AUNIP: variants seen among roughly 807,000 people sequenced by gnomAD.
AUNIP encodes aurora kinase A and ninein interacting protein.
Under a neutral mutation model 12.2 loss-of-function variants are expected in AUNIP, and 16 were observed. That is an observed-to-expected ratio of 1.31 (90% CI 0.88 to 1.99). The LOEUF (loss-of-function observed/expected upper bound fraction) is 1.99, where lower values mean the gene tolerates loss of function less well. Ranked by LOEUF, AUNIP falls within the 30% of genes most tolerant of loss-of-function variation. AUNIP has a pLI of 0.00. For missense variants in AUNIP, 411 were observed against 419.1 expected, an observed-to-expected ratio of 0.98 and a Z score of 0.17; for synonymous variants, 142 against 154.8, an observed-to-expected ratio of 0.92 and a Z score of 0.61.
intron 1 of AUNIP, among the ~76,000 whole-genome samples, chr1:25,848,233 A>C (rs1040990581): frequency 6.6e-6 from 1 of 152,124 alleles, no homozygotes; most frequent in Non-Finnish European, 1.5e-5. Flanking sequence ...AGCCAAATTG[A>C]ATTATTCCCT....
At chr1:25,849,872 G>A (rs765313177) in intron 1 of AUNIP, among the ~76,000 whole-genome samples, 1 of 152,068 alleles carries the variant, frequency 6.6e-6, no homozygotes, top group Non-Finnish European at 1.5e-5. Flanking sequence ...CTGACCTCAA[G>A]TGATCTGCCC....
chr1:25,854,953 CT>C (rs1159770557), intron 1 of AUNIP, among the ~76,000 whole-genome samples: 3,293 of 121,072 alleles, frequency 0.027, 60 homozygotes, highest in African/African-American at 0.1. Flanking sequence ...AGAATTCTTT[CT>C]TTTTTTTTTT....
In AUNIP at chr1:25,835,763, G is replaced by C; in HGVS notation, c.304C>G (p.Gln102Glu). Residue 102 changes from glutamine to glutamate, a missense_variant, in exon 3 of 3, where the codon CAG (glutamine) becomes GAG (glutamate). By Grantham distance (29) the Gln-to-Glu change is conservative (BLOSUM62 2). Transcript: ENST00000374298. The stretch of plus-strand genomic sequence containing the variant: ...AAGCCTGGGATCAAATGGTCTAGCT[G>C]GGTCGCATTTTTCTTGGACTCTTTG... ...INKESKKNAT[Q>E]LDHLIPGLAH... 1.9e-6 allele frequency: 3 copies of C among 1,614,168 alleles called. No homozygotes were observed. Among genetic ancestry groups the C allele is most frequent in the Non-Finnish European group, 2.5e-6 (3 of 1,180,028 alleles).
intron 1 of AUNIP, among the ~76,000 whole-genome samples, chr1:25,853,397 G>A (rs2124513790): frequency 6.6e-6 from 1 of 152,236 alleles, no homozygotes; most frequent in African/African-American, 2.4e-5. Context: ...AGGAGTTTGA[G>A]AACAGCCTGA....
chr1:25,858,513 CTT>C (rs2048480981), intron 1 of AUNIP, among the ~76,000 whole-genome samples: 1 of 152,202 alleles, frequency 6.6e-6, no homozygotes, highest in South Asian at 2.1e-4. Context: ...ACCTAAAACA[CTT>C]AGCACCAGCA....
chr1:25,841,544 T>A (rs188195378), intron 1 of AUNIP, among the ~76,000 whole-genome samples: 1 of 151,704 alleles, frequency 6.6e-6, no homozygotes, highest in Non-Finnish European at 1.5e-5. Context: ...TTTTTTTTTT[T>A]AGATGGAGTC....
intron 1 of AUNIP, among the ~76,000 whole-genome samples, chr1:25,845,059 C>A (rs213628): frequency 0.21 from 32,636 of 152,038 alleles, 3,776 homozygotes; most frequent in African/African-American, 0.27. Context: ...AATTAGTAAC[C>A]AAGTATTCAT....
At chr1:25,843,185 A>ATATATATATATATAT (rs1364857694) in intron 1 of AUNIP, among the ~76,000 whole-genome samples, 20 of 124,956 alleles carry the variant, frequency 1.6e-4, no homozygotes, top group Middle Eastern at 3.8e-3. Flanking sequence ...AAAAAAAAAA[A>ATATATATATATATAT]ATATATATAT....
downstream of AUNIP, chr1:25,832,240 T>A: frequency 7.3e-7 from 1 of 1,367,056 alleles, no homozygotes; most frequent in Non-Finnish European, 1.0e-6. Flanking sequence ...ACCTGAGACA[T>A]TTGTTTCAGG....
intron 2 of AUNIP, 58 bp downstream of exon 2, chr1:25,837,355 A>G (rs1034068288): frequency 6.4e-7 from 1 of 1,555,828 alleles, no homozygotes; most frequent in African/African-American, 1.4e-5. Context: ...ACATGGACAA[A>G]TGAACACACT....
chr1:25,853,143 T>C (rs1270071537), intron 1 of AUNIP, among the ~76,000 whole-genome samples: 2 of 152,254 alleles, frequency 1.3e-5, no homozygotes, highest in Non-Finnish European at 2.9e-5. Context: ...TAGGTCTACC[T>C]GGTTTATAGT....
At chr1:25,856,630 G>A (rs1219348182) in intron 1 of AUNIP, among the ~76,000 whole-genome samples, 5 of 151,690 alleles carry the variant, frequency 3.3e-5, no homozygotes, top group Non-Finnish European at 7.4e-5. Context: ...AGCTGAGATC[G>A]CACCACTGCA....
intron 1 of AUNIP, among the ~76,000 whole-genome samples, chr1:25,855,441 C>G (rs2124515627): frequency 6.6e-6 from 1 of 152,134 alleles, no homozygotes; most frequent in East Asian, 1.9e-4. Context: ...AGATTACAGG[C>G]ACGAGCCACA....
intron 1 of AUNIP, among the ~76,000 whole-genome samples, chr1:25,854,567 C>A (rs1361554226): frequency 1.3e-5 from 2 of 152,128 alleles, no homozygotes; most frequent in Non-Finnish European, 2.9e-5. Context: ...ATCTAACATA[C>A]AATTTGGAAC....
At chr1:25,837,057 A>G (rs2048308296) in intron 2 of AUNIP, among the ~76,000 whole-genome samples, 2 of 152,196 alleles carry the variant, frequency 1.3e-5, no homozygotes, top group African/African-American at 2.4e-5. Context: ...TTATTAATTA[A>G]CCTTAGACAG....
Position 25,834,978 on chromosome 1 carries a change from C to A in AUNIP, c.*15G>T. 6.3e-7 allele frequency: 1 copy of A among 1,590,334 alleles called. No individual in the cohort carries two copies. The highest frequency in any genetic ancestry group is 1.1e-5 in the South Asian group (1 of 88,658). On this transcript the variant is annotated 3_prime_UTR_variant, in exon 3 of 3. Transcript: ENST00000374298. ...TATCATTTCAAGGTACTTTTAGAAA[C>A]AAAGCTTCAAACATTTAGAATTGGT...
At chr1:25,857,430 GGA>G in intron 1 of AUNIP, among the ~76,000 whole-genome samples, 1 of 151,234 alleles carries the variant, frequency 6.6e-6, no homozygotes, top group South Asian at 2.1e-4. Context: ...ATTTTTTATA[GGA>G]GAGACGGGGT....
chr1:25,854,953 C>CTTTTTTTT (rs1159770557), intron 1 of AUNIP, among the ~76,000 whole-genome samples: 5 of 121,122 alleles, frequency 4.1e-5, no homozygotes, highest in East Asian at 2.3e-4. Flanking sequence ...AGAATTCTTT[C>CTTTTTTTT]TTTTTTTTTT....
At chr1:25,849,550 C>T (rs1347573778) in intron 1 of AUNIP, among the ~76,000 whole-genome samples, 1 of 152,130 alleles carries the variant, frequency 6.6e-6, no homozygotes, top group Non-Finnish European at 1.5e-5. Context: ...GCTTGGAGGT[C>T]CATCCATGTT....
Sources: gnomAD v4.1 joint callset for allele counts (sites outside exome capture counted in the v4.1 genomes callset) on GRCh38, gnomAD v4.1.1 for gene constraint, MANE v1.5 for transcripts, NCBI Gene and HGNC (gene_info 2026-07-23, HGNC 2026-07-21) for gene names.